The following HIC1 variants were observed in gnomAD, a reference collection of about 807,000 sequenced individuals.
HIC1 encodes the protein HIC ZBTB transcriptional repressor 1.
Under a neutral mutation model 26.4 loss-of-function variants are expected in HIC1, and 9 were observed. The observed-to-expected ratio is 0.34, with a 90% confidence interval of 0.21 to 0.59. The LOEUF is 0.59. Ranked by LOEUF, HIC1 falls within the 20% of genes least tolerant of loss-of-function variation. The pLI is 0.82. For missense variants in HIC1, 965 were observed against 1,075.7 expected, an observed-to-expected ratio of 0.90 and a Z score of 1.44; for synonymous variants, 631 against 523.1, an observed-to-expected ratio of 1.21 and a Z score of -2.81.
chr17:2,058,518 G>A lies in HIC1; in HGVS notation c.1828G>A (p.Gly610Arg), dbSNP rs1481725451. 2 of 1,498,496 alleles carry A rather than the reference G, an allele frequency of 1.3e-6. No homozygotes were observed. Among genetic ancestry groups the A allele is most frequent in the East Asian group, 2.7e-5 (1 of 36,530 alleles). The allele number at this position is 1,498,496 out of a possible 1,614,324, so 92.8% of individuals were successfully genotyped here. The change falls in exon 2 of 2, where the codon GGG becomes AGG. Residue 610 changes from glycine (G) to arginine (R), a missense_variant. This residue lies in a region of HIC1 where 210 missense variants were observed against 179.2 expected (regional missense o/e 1.17). Transcript: ENST00000619757. ...AGAAGALAGL[G>R]GLPGVPGPDG... is the part of the protein sequence containing the mutation. ...CGCGGCCGGGGCGCTGGCGGGCTTG[G>A]GGGGGCTCCCCGGCGTCCCCGGCCC...
rs749739446 is a variant in HIC1 at position 2,056,697 on chromosome 17, G to A, written c.7G>A (p.Asp3Asn). The A allele has an allele frequency of 3.6e-5, 57 of 1,597,640 alleles. 1 individual carries two copies. The highest frequency in any genetic ancestry group is 1.7e-4 in the Middle Eastern group (1 of 6,042). The change falls in exon 2 of 2, where the codon GAC (aspartate) becomes AAC (asparagine). Residue 3 changes from aspartate to asparagine, a missense_variant. Physicochemically the swap from Asp to Asn is conservative, Grantham distance 23 (BLOSUM62 1). This residue lies in a region of HIC1 where 64 missense variants were observed against 114.0 expected (regional missense o/e 0.56). Transcript: ENST00000619757. ...AGAGTGTGCTGGGCAGACGATGCTG[G>A]ACACGATGGAGGCGCCCGGCCACTC... Reference protein sequence around the residue: MLDTMEAPGHSRQ... With the variant: MLNTMEAPGHSRQ...
rs1242738283 is a variant in HIC1 at position 2,058,116 on chromosome 17, G to C, written c.1426G>C (p.Gly476Arg). The C allele has an allele frequency of 6.3e-7, 1 of 1,599,204 alleles. No homozygotes were observed. Among genetic ancestry groups the C allele is most frequent in the Non-Finnish European group, 8.5e-7 (1 of 1,176,274 alleles). The change falls in exon 2 of 2, where the codon GGG (glycine) becomes CGG (arginine). Residue 476 changes from glycine to arginine, a missense_variant. Transcript: ENST00000619757. ...PFGGGGDKVA[G>R]APGGLGELLR... is the part of the protein sequence containing the mutation. Reference sequence around the variant, plus strand: ...TGGAGGCGGCGGGGACAAGGTCGCCGGGGCTCCGGGTGGCCTGGGAGAGCT... The same window carrying C: ...TGGAGGCGGCGGGGACAAGGTCGCCCGGGCTCCGGGTGGCCTGGGAGAGCT...
In HIC1 at chr17:2,059,689, C is replaced by G. The variant is rs577925206; in HGVS notation, c.*854C>G. 12 of 167,484 alleles carry G rather than the reference C, an allele frequency of 7.2e-5. No homozygotes were observed. The highest frequency in any genetic ancestry group is 2.9e-4 in the African/African-American group (12 of 41,586). 10.4% of individuals were successfully genotyped at this position (167,484 alleles called of 1,614,324 possible). ...CAGCAATAAAGCAGTAACCAAGGAC[C>G]CCGACCCCGCTGCTCTCTTCTGCCC... On this transcript the variant is annotated 3_prime_UTR_variant, in exon 2 of 2. Coordinates refer to ENST00000619757, the MANE Select transcript of HIC1 (RefSeq NM_006497.4).
At position 2,062,637 on chromosome 17, in the gene HIC1, G is replaced by A. The variant is rs960066774; in HGVS notation, c.*3802G>A. ...TCCCTACCCTGACAGGCCTGCTTGGGTGGCAGGTCTACTCGTCAGTCCCAG... is the reference window on the plus strand; with the variant it reads ...TCCCTACCCTGACAGGCCTGCTTGGATGGCAGGTCTACTCGTCAGTCCCAG... On this transcript the variant is annotated 3_prime_UTR_variant, in exon 2 of 2. Transcript: ENST00000619757. The A allele has an allele frequency of 1.3e-5, 2 of 152,194 alleles. No individual in the cohort carries two copies. The highest frequency in any genetic ancestry group is 2.4e-5 in the African/African-American group (1 of 41,430). 9.4% of individuals were successfully genotyped at this position (152,194 alleles called of 1,614,324 possible).
At position 2,058,775 on chromosome 17, in the gene HIC1, G is replaced by C. The variant is rs1356005479; in HGVS notation, c.2085G>C (p.Gln695His). 6 of 1,517,724 alleles carry C rather than the reference G, an allele frequency of 4.0e-6. No homozygotes were observed. The highest frequency in any genetic ancestry group is 2.6e-6 in the Non-Finnish European group (3 of 1,138,166). The allele number at this position is 1,517,724 out of a possible 1,614,324, so 94.0% of individuals were successfully genotyped here. ...ACAAGGCGGCCGAGGTGCTGAGCCA[G>C]GGCGCTCACCTGGCGGCCGGGCCCG... ...SPDKAAEVLS[Q>H]GAHLAAGPDG... The change falls in exon 2 of 2, where the codon CAG becomes CAC. Residue 695 changes from glutamine to histidine, a missense_variant. This residue lies in a region of HIC1 where 210 missense variants were observed against 179.2 expected (regional missense o/e 1.17). Transcript: ENST00000619757.
chr17:2,058,407 G>A lies in HIC1; in HGVS notation c.1717G>A (p.Glu573Lys), dbSNP rs760801895. The A allele has an allele frequency of 3.1e-6, 5 of 1,609,594 alleles. No homozygotes were observed. The highest frequency in any genetic ancestry group is 1.7e-5 in the Admixed American group (1 of 59,854). ...CATCCACTCGGGCGAGAAGCCCTAC[G>A]AGTGCCAGGTGTGCGGCGGCAAGTT... ...MRIHSGEKPY[E>K]CQVCGGKFAQ... Residue 573 changes from glutamate (E) to lysine (K), a missense_variant, in exon 2 of 2, where the codon GAG becomes AAG. Transcript: ENST00000619757.
In HIC1 at chr17:2,061,815, C is replaced by T; in HGVS notation, c.*2980C>T. On this transcript the variant is annotated 3_prime_UTR_variant, in exon 2 of 2. Transcript: ENST00000619757. ...TCCCCTGCTGGCCTAGAGAGGGCTG[C>T]ACTGGGCTTCTGCCTTGACTCCGGC... The T allele has an allele frequency of 1.7e-6, 1 of 597,700 alleles. No individual in the cohort carries two copies. Among genetic ancestry groups the T allele is most frequent in the Non-Finnish European group, 2.9e-6 (1 of 343,292 alleles). The allele number at this position is 597,700 out of a possible 1,614,324, so 37.0% of individuals were successfully genotyped here. A position where few individuals can be genotyped will look rare whatever the true frequency, so the allele number is the denominator to read the frequency against.
Position 2,061,350 on chromosome 17 carries a change from G to T in HIC1, c.*2515G>T. 2.4e-6 allele frequency: 2 copies of T among 818,710 alleles called. No individual in the cohort carries two copies. The highest frequency in any genetic ancestry group is 2.8e-5 in the East Asian group (1 of 35,784). 50.7% of individuals were successfully genotyped at this position (818,710 alleles called of 1,614,324 possible). ...TGAGGAGCAGGTCCCCCACAGCATG[G>T]CCGTGGCGTGGGTTGGAAGAGGATG... On this transcript the variant is annotated 3_prime_UTR_variant, in exon 2 of 2. Coordinates refer to ENST00000619757, the MANE Select transcript of HIC1 (RefSeq NM_006497.4).
In HIC1 at chr17:2,057,318, C is replaced by T. The variant is rs1433489374; in HGVS notation, c.628C>T (p.Leu210Phe). The T allele has an allele frequency of 2.7e-6, 4 of 1,503,252 alleles. No individual in the cohort carries two copies. In the African/African-American group the frequency reaches 4.3e-5, roughly 16 times the overall value. The allele number at this position is 1,503,252 out of a possible 1,614,324, so 93.1% of individuals were successfully genotyped here. Residue 210 changes from leucine (L) to phenylalanine (F), a missense_variant, in exon 2 of 2, where the codon CTC (leucine) becomes TTC (phenylalanine). Leu to Phe is a conservative substitution (Grantham distance 22). This residue lies in a region of HIC1 where 526 missense variants were observed against 525.0 expected (regional missense o/e 1.00). Transcript: ENST00000619757. The stretch of plus-strand genomic sequence containing the variant: ...GTCGGGACCCGGCCCGGCCGCCGCA[C>T]TCTGTGCCTCGGAGCGCCGCTGCTC... ...YASGPGPAAA[L>F]CASERRCSPL...
Position 2,055,968 on chromosome 17 carries a change from G to A in HIC1, c.-20-703G>A, listed in dbSNP as rs1305607165. ...CCGCAGCCGGCTGTGCGCCGTGCCC[G>A]CCCGGGGCGCTGCCCCCTCCCTCCC... On this transcript the variant is annotated intron_variant, in intron 1 of 1. Transcript: ENST00000619757. The surrounding 1 kb of genome is among the most constrained non-coding windows in gnomAD (Gnocchi z 6.4). Among the ~76,000 whole-genome samples the A allele has an allele frequency of 4.2e-5, 6 of 143,172 alleles. No individual in the cohort carries two copies. Among genetic ancestry groups the A allele is most frequent in the Non-Finnish European group, 9.2e-5 (6 of 64,956 alleles). 93.9% of individuals were successfully genotyped at this position (143,172 alleles called of 152,430 possible).
Position 2,059,378 on chromosome 17 carries a change from GC to G in HIC1, c.*547del. The G allele has an allele frequency of 6.3e-6, 1 of 157,638 alleles. No homozygotes were observed. The highest frequency in any genetic ancestry group is 1.5e-5 in the Non-Finnish European group (1 of 65,628). 9.8% of individuals were successfully genotyped at this position (157,638 alleles called of 1,614,324 possible). A position where few individuals can be genotyped will look rare whatever the true frequency, so the allele number is the denominator to read the frequency against. ...TCCTCATTTTGCACAAGTGGCACTAGCCCCAGGGCCAACCCTTCCTTCCTCA... is the reference window on the plus strand; with the variant it reads ...TCCTCATTTTGCACAAGTGGCACTAGCCCAGGGCCAACCCTTCCTTCCTCA... On this transcript the variant is annotated 3_prime_UTR_variant, in exon 2 of 2. Coordinates refer to ENST00000619757, the MANE Select transcript of HIC1 (RefSeq NM_006497.4).
intron 1 of HIC1, 94 bp from the exon 2 acceptor site, chr17:2,056,577 G>A (rs1418669477): frequency 7.6e-6 from 11 of 1,446,560 alleles, no homozygotes; most frequent in Admixed American, 2.5e-5. Context: ...CCGCTCAGCT[G>A]AGGGAAGGGG....
Position 2,061,719 on chromosome 17 carries a change from T to G in HIC1, c.*2884T>G, listed in dbSNP as rs1597310889. 7.3e-7 allele frequency: 1 copy of G among 1,376,598 alleles called. No individual in the cohort carries two copies. The highest frequency in any genetic ancestry group is 9.9e-7 in the Non-Finnish European group (1 of 1,008,006). 85.3% of individuals were successfully genotyped at this position (1,376,598 alleles called of 1,614,324 possible). On this transcript the variant is annotated 3_prime_UTR_variant, in exon 2 of 2. Coordinates refer to ENST00000619757, the MANE Select transcript of HIC1 (RefSeq NM_006497.4). Reference sequence around the variant, plus strand: ...GGAGAATGTGGTCCTGGGGAGGGGGTGCCACGCTAGCCGTGTCTTGGCTCT... The same window carrying G: ...GGAGAATGTGGTCCTGGGGAGGGGGGGCCACGCTAGCCGTGTCTTGGCTCT...
At position 2,057,740 on chromosome 17, in the gene HIC1, GC is replaced by G. The variant is rs1567557055; in HGVS notation, c.1055del (p.Pro352ArgfsTer82). 6.5e-6 allele frequency: 9 copies of G among 1,388,290 alleles called. No homozygotes were observed. Among genetic ancestry groups the G allele is most frequent in the Middle Eastern group, 2.1e-4 (1 of 4,652 alleles). The allele number at this position is 1,388,290 out of a possible 1,614,324, so 86.0% of individuals were successfully genotyped here. ...GGDAAVSPGG[P>X]PLGLAPPPRY... Reference sequence around the variant, plus strand: ...GGGACGCGGCCGTCTCGCCCGGGGGGCCCCCGCTCGGCCTGGCGCCGCCGCC... The same window carrying G: ...GGGACGCGGCCGTCTCGCCCGGGGGGCCCCGCTCGGCCTGGCGCCGCCGCC... On this transcript the variant is annotated frameshift_variant, in exon 2 of 2. Transcript: ENST00000619757. LOFTEE classifies it high-confidence loss of function.
At position 2,060,987 on chromosome 17, in the gene HIC1, G is replaced by A. The variant is rs1019738548; in HGVS notation, c.*2152G>A. ...GCGAGTCCAGGCCTCAGGGAGACTG[G>A]GGACACACACCCTGGGCACTTCTTC... On this transcript the variant is annotated 3_prime_UTR_variant, in exon 2 of 2. Coordinates refer to ENST00000619757, the MANE Select transcript of HIC1 (RefSeq NM_006497.4). 6.4e-6 allele frequency: 1 copy of A among 155,220 alleles called. No homozygotes were observed. Among genetic ancestry groups the A allele is most frequent in the Non-Finnish European group, 1.4e-5 (1 of 69,786 alleles). 9.6% of individuals were successfully genotyped at this position (155,220 alleles called of 1,614,324 possible).
At position 2,058,623 on chromosome 17, in the gene HIC1, C is replaced by T; in HGVS notation, c.1933C>T (p.Gln645Ter). Residue 645 changes from glutamine (Q) to a stop codon, truncating the protein, a stop_gained, in exon 2 of 2, where the codon CAG becomes TAG. Coordinates refer to ENST00000619757, the MANE Select transcript of HIC1 (RefSeq NM_006497.4). LOFTEE classifies it high-confidence loss of function. ...CACGGCCGAGCAGCTGAGCCTGAAG[C>T]AGCAGGACAAGGCGGCCGCGGCCGA... Reference protein sequence around the residue: ...RLTAEQLSLKQQDKAAAAELL... With the variant: ...RLTAEQLSLK The T allele has an allele frequency of 1.3e-6, 2 of 1,564,258 alleles. No individual in the cohort carries two copies. The highest frequency in any genetic ancestry group is 1.7e-6 in the Non-Finnish European group (2 of 1,162,408).
rs1048826767 is a variant in HIC1, at chr17:2,055,178, C to T, written c.-81C>T. ...GGGGCCCGGCGGGCGGAGGGCAGCG[C>T]AGCCACGTCCCCCCTGGATCCGCCG... is the stretch of plus-strand genomic sequence containing the variant. On this transcript the variant is annotated 5_prime_UTR_variant, in exon 1 of 2. Transcript: ENST00000619757. The surrounding 1 kb of genome is among the most constrained non-coding windows in gnomAD (Gnocchi z 6.4). 2.0e-4 allele frequency: 31 copies of T among 152,078 alleles called. No individual in the cohort carries two copies. Among genetic ancestry groups the T allele is most frequent in the African/African-American group, 7.2e-4 (30 of 41,484 alleles). 9.4% of individuals were successfully genotyped at this position (152,078 alleles called of 1,614,324 possible).
chr17:2,057,585 C>A lies in HIC1; in HGVS notation c.895C>A (p.Pro299Thr). Residue 299 changes from proline (P) to threonine (T), a missense_variant, in exon 2 of 2, where the codon CCC becomes ACC. Around this residue, in one of 6 missense-constraint regions of HIC1, gnomAD observed 526 missense variants for 525.0 expected, o/e 1.00. Coordinates refer to ENST00000619757, the MANE Select transcript of HIC1 (RefSeq NM_006497.4). ...RGGSGSPGPE[P>T]PGRPDGPSLL... ...CGGCAGCGGCAGCCCGGGACCCGAG[C>A]CCCCCGGCCGCCCCGACGGGCCTAG... 6.7e-7 allele frequency: 1 copy of A among 1,503,650 alleles called. No homozygotes were observed. Among genetic ancestry groups the A allele is most frequent in the Non-Finnish European group, 8.8e-7 (1 of 1,131,670 alleles). 93.1% of individuals were successfully genotyped at this position (1,503,650 alleles called of 1,614,324 possible). A position where few individuals can be genotyped will look rare whatever the true frequency, so the allele number is the denominator to read the frequency against.
rs554939621 is a variant in HIC1 at position 2,062,174 on chromosome 17, T to C, written c.*3339T>C. On this transcript the variant is annotated 3_prime_UTR_variant, in exon 2 of 2. Transcript: ENST00000619757. The stretch of plus-strand genomic sequence containing the variant: ...GGAGAGGGTAAGGGTCTTGGCAGAA[T>C]TGTGCCAAGGGCACACCAAGGCTTT... The C allele has an allele frequency of 5.9e-5, 9 of 153,138 alleles. No individual in the cohort carries two copies. The East Asian group carries it at 1.7e-3, about 30-fold the overall frequency. The allele number at this position is 153,138 out of a possible 1,614,324, so 9.5% of individuals were successfully genotyped here.
Sources: allele counts gnomAD v4.1 joint callset (sites outside exome capture counted in the v4.1 genomes callset), GRCh38; gene constraint gnomAD v4.1.1; regional missense constraint gnomAD v4.1.1; non-coding constraint Gnocchi (gnomAD v3.1); transcripts MANE v1.5; gene names NCBI Gene and HGNC (gene_info 2026-07-23, HGNC 2026-07-21).